The following RORA variants were observed in gnomAD, a reference collection of about 807,000 sequenced individuals.
RORA encodes the protein nuclear receptor ROR-alpha.
Under a neutral mutation model 69.5 loss-of-function variants are expected in RORA, and 7 were observed. The observed-to-expected ratio is 0.10, with a 90% CI of 0.06 to 0.19. RORA has a LOEUF of 0.19. RORA is among the 10% of genes least tolerant of loss of function. The pLI is 1.00. For synonymous variants in RORA, 261 were observed against 240.8 expected (o/e 1.08, Z -0.78); for missense variants, 457 against 663.0 (o/e 0.69, Z 3.41).
chr15:60,516,103 ATATAT>A (rs1369973717), intron 3 of RORA, among the ~76,000 whole-genome samples: 15 of 77,902 alleles, frequency 1.9e-4, no homozygotes, highest in Non-Finnish European at 2.3e-4. Flanking sequence ...ATATATATTT[ATATAT>A]TATATTATAT....
At position 60,497,352 on chromosome 15, in the gene RORA, G is replaced by A. The variant is rs200747346; in HGVS notation, c.*103C>T. Reference sequence around the variant, plus strand: ...CACCAAAAGATGTGCAGTGTGTGGCGCTCCAGGTCTGTGCAGGGCCATATA... The same window carrying A: ...CACCAAAAGATGTGCAGTGTGTGGCACTCCAGGTCTGTGCAGGGCCATATA... On this transcript the variant is annotated 3_prime_UTR_variant, in exon 11 of 11. Coordinates refer to ENST00000335670, the MANE Select transcript of RORA (RefSeq NM_134261.3). 32 of 898,838 alleles carry A rather than the reference G, an allele frequency of 3.6e-5. No individual in the cohort carries two copies. The highest frequency in any genetic ancestry group is 8.4e-5 in the African/African-American group (5 of 59,528). The allele number at this position is 898,838 out of a possible 1,614,324, so 55.7% of individuals were successfully genotyped here.
intron 1 of RORA, among the ~76,000 whole-genome samples, chr15:61,159,741 A>C (rs1038671169): frequency 2.0e-5 from 3 of 152,222 alleles, no homozygotes; most frequent in Non-Finnish European, 4.4e-5. Flanking sequence ...CGAGGTGTGC[A>C]TTATGTATGT....
intron 2 of RORA, among the ~76,000 whole-genome samples, chr15:60,555,745 AT>A (rs199907644): frequency 9.2e-5 from 14 of 151,472 alleles, no homozygotes; most frequent in African/African-American, 2.9e-4. Context: ...AACTGCTTGA[AT>A]TTTTTTTTCC....
intron 1 of RORA, among the ~76,000 whole-genome samples, chr15:61,163,604 G>C (rs569965773): frequency 8.5e-5 from 13 of 152,290 alleles, no homozygotes; most frequent in African/African-American, 3.1e-4. Context: ...ACGAAATTGA[G>C]ACCAGATACG....
chr15:60,723,908 A>C (rs6494221), intron 1 of RORA, among the ~76,000 whole-genome samples: 34,494 of 152,106 alleles, frequency 0.23, 4,248 homozygotes, highest in African/African-American at 0.33. Context: ...CACCAGAGAC[A>C]AGATGGATCT....
intron 1 of RORA, among the ~76,000 whole-genome samples, chr15:61,007,283 T>C (rs1255516818): frequency 3.9e-5 from 6 of 152,200 alleles, no homozygotes; most frequent in Non-Finnish European, 8.8e-5. Context: ...CTTGCTCTAA[T>C]GAAACTCTGT....
At chr15:61,108,157 G>A (rs185050080) in intron 1 of RORA, among the ~76,000 whole-genome samples, 213 of 152,224 alleles carry the variant, frequency 1.4e-3, no homozygotes, top group Non-Finnish European at 2.5e-3. Flanking sequence ...GTCCCTTCCA[G>A]GTTCTTGAAA....
At chr15:60,941,662 T>C (rs1566918040) in intron 1 of RORA, among the ~76,000 whole-genome samples, 1 of 152,240 alleles carries the variant, frequency 6.6e-6, no homozygotes, top group Non-Finnish European at 1.5e-5. Flanking sequence ...GCTCACTTTG[T>C]ATTCTAAGAA....
intron 1 of RORA, among the ~76,000 whole-genome samples, chr15:61,152,584 T>C (rs1160973856): frequency 6.6e-6 from 1 of 152,154 alleles, no homozygotes; most frequent in Non-Finnish European, 1.5e-5. Flanking sequence ...AACAAATATG[T>C]ACTAAATCCT....
intron 2 of RORA, chr15:60,548,068 G>A (rs1269862581): frequency 6.6e-6 from 1 of 152,092 alleles, no homozygotes; most frequent in Non-Finnish European, 1.5e-5. Flanking sequence ...ATGAAAATAC[G>A]CTTTCTGAAG....
In RORA at chr15:60,770,647, T is replaced by C. The variant is rs1381200675; in HGVS notation, c.167-91961A>G. On this transcript the variant is annotated intron_variant, in intron 1 of 10. Transcript: ENST00000335670. ...GTTTTTTAGAGACCCAGTCTCATTTTGTTGCCCAGGCTGGAGCTCAGTGGC... is the reference window on the plus strand; with the variant it reads ...GTTTTTTAGAGACCCAGTCTCATTTCGTTGCCCAGGCTGGAGCTCAGTGGC... 2.0e-5 allele frequency among the ~76,000 whole-genome samples: 3 copies of C among 152,188 alleles called. No homozygotes were observed. In the East Asian group the frequency reaches 5.8e-4, roughly 29 times the overall value.
chr15:60,658,887 AG>A (rs1388998299), intron 2 of RORA, among the ~76,000 whole-genome samples: 1 of 152,208 alleles, frequency 6.6e-6, no homozygotes, highest in African/African-American at 2.4e-5. Flanking sequence ...CCTTTTGGAA[AG>A]GCACTGTAGA....
chr15:60,818,801 AG>A (rs2072850719), intron 1 of RORA, among the ~76,000 whole-genome samples: 1 of 152,236 alleles, frequency 6.6e-6, no homozygotes, highest in South Asian at 2.1e-4. Context: ...TCCTATGATT[AG>A]GTACATGTTT....
At chr15:60,633,044 A>G (rs1324532864) in intron 2 of RORA, among the ~76,000 whole-genome samples, 4 of 152,126 alleles carry the variant, frequency 2.6e-5, no homozygotes, top group South Asian at 2.1e-4. Context: ...TAGGAAGGAC[A>G]CTCTCTTCTT....
chr15:61,098,642 C>T (rs1595984248), intron 1 of RORA, among the ~76,000 whole-genome samples: 2 of 152,172 alleles, frequency 1.3e-5, no homozygotes, highest in South Asian at 4.1e-4. Flanking sequence ...CAGCCTGCTA[C>T]TCCTATTCTT....
At chr15:61,190,156 T>C (rs914858356) in intron 1 of RORA, among the ~76,000 whole-genome samples, 2 of 139,960 alleles carry the variant, frequency 1.4e-5, no homozygotes, top group Non-Finnish European at 3.0e-5. Context: ...ATTACTTTTC[T>C]CCGTCAATTA....
intron 1 of RORA, among the ~76,000 whole-genome samples, chr15:60,813,751 A>G (rs2072774558): frequency 6.6e-6 from 1 of 152,234 alleles, no homozygotes; most frequent in African/African-American, 2.4e-5. Flanking sequence ...AGTATAGTTT[A>G]CAAAGTACTT....
intron 1 of RORA, among the ~76,000 whole-genome samples, chr15:61,114,708 C>T (rs997703183): frequency 6.6e-6 from 1 of 152,128 alleles, no homozygotes; most frequent in South Asian, 2.1e-4. Context: ...ATATAATTGG[C>T]CTTGCATCAC....
chr15:60,562,505 G>A (rs1014742910), intron 2 of RORA, among the ~76,000 whole-genome samples: 4 of 151,408 alleles, frequency 2.6e-5, no homozygotes, highest in East Asian at 1.9e-4. Flanking sequence ...GCTCTATCTC[G>A]GCCCACTGCA....
Sources: gnomAD v4.1 joint callset for allele counts (sites outside exome capture counted in the v4.1 genomes callset) on GRCh38, gnomAD v4.1.1 for gene constraint, MANE v1.5 for transcripts, NCBI Gene and HGNC (gene_info 2026-07-23, HGNC 2026-07-21) for gene names.